The following GRM8 variants were observed in gnomAD, a reference collection of about 807,000 sequenced individuals.
The protein encoded by GRM8 is metabotropic glutamate receptor 8.
GRM8 carries 47 observed loss-of-function variants against 87.2 expected under a neutral mutation model. That is an observed-to-expected ratio of 0.54 (90% CI 0.43 to 0.69). GRM8 has a LOEUF of 0.69. Among genes scored for constraint, GRM8 ranks in the 30% least tolerant of loss-of-function variants. GRM8 has a pLI of 0.00. For synonymous variants in GRM8, 396 were observed against 404.5 expected, an observed-to-expected ratio of 0.98 and a Z score of 0.25; for missense variants, 1,019 against 1,139.2, an observed-to-expected ratio of 0.89 and a Z score of 1.52.
At chr7:126,905,029 A>C (rs540435342) in intron 3 of GRM8, among the ~76,000 whole-genome samples, 10 of 152,368 alleles carry the variant, frequency 6.6e-5, no homozygotes, top group Non-Finnish European at 1.0e-4. Context: ...GACAAGTGAC[A>C]GAATTAATAA....
At chr7:126,752,652 T>C (rs1275245200) in intron 7 of GRM8, among the ~76,000 whole-genome samples, 2 of 152,216 alleles carry the variant, frequency 1.3e-5, no homozygotes, top group South Asian at 2.1e-4. Context: ...CTTTGAGAAC[T>C]TCAGGAAATA....
rs540432846 is a variant in GRM8 at position 127,202,652 on chromosome 7, T to C, written c.510+40043A>G. ...TGATCCTCATTTTACTGGTAAAGGC[T>C]CTGAGACTGAGAAGTTTAATGTCAT... On this transcript the variant is annotated intron_variant, in intron 2 of 10. Transcript: ENST00000339582. Among the ~76,000 whole-genome samples, 171 of 152,266 alleles carry C rather than the reference T, an allele frequency of 1.1e-3. 1 individual carries two copies. The highest frequency in any genetic ancestry group is 4.1e-3 in the African/African-American group (170 of 41,554).
At chr7:126,529,384 C>T (rs1814442747) in intron 9 of GRM8, among the ~76,000 whole-genome samples, 2 of 152,036 alleles carry the variant, frequency 1.3e-5, no homozygotes, top group Admixed American at 6.6e-5. Flanking sequence ...ACAGACATTG[C>T]TTATTGTCCA....
chr7:126,642,554 A>G (rs28371945), intron 7 of GRM8, among the ~76,000 whole-genome samples: 46,633 of 151,652 alleles, frequency 0.31, 8,014 homozygotes, highest in East Asian at 0.43. Context: ...GCGGGAGAAT[A>G]GTGTGAACCT....
At chr7:126,957,596 C>T (rs1808854422) in intron 3 of GRM8, among the ~76,000 whole-genome samples, 1 of 152,212 alleles carries the variant, frequency 6.6e-6, no homozygotes, top group African/African-American at 2.4e-5. Flanking sequence ...TGAGCCCAGG[C>T]ACTGTTGCAA....
chr7:126,954,698 C>A (rs932425994), intron 3 of GRM8, among the ~76,000 whole-genome samples: 5 of 152,224 alleles, frequency 3.3e-5, no homozygotes, highest in Admixed American at 3.3e-4. Context: ...ATAATAATAA[C>A]AATAACTTTC....
intron 2 of GRM8, among the ~76,000 whole-genome samples, chr7:127,218,845 C>T (rs1395637467): frequency 6.6e-6 from 1 of 152,238 alleles, no homozygotes. Context: ...CTTTCTAGCA[C>T]ACAACACTTT....
intron 3 of GRM8, among the ~76,000 whole-genome samples, chr7:127,023,424 G>GT (rs754322714): frequency 2.0e-5 from 3 of 151,934 alleles, no homozygotes; most frequent in Non-Finnish European, 4.4e-5. Flanking sequence ...CAACCCTCAT[G>GT]TTATTCATAG....
chr7:126,893,868 T>A lies in GRM8; in HGVS notation c.1156+8674A>T, dbSNP rs1454251073. ...CTTAGTAAGCTCTAATCACACTTTA[T>A]GTCTCCTTTGCCCTACTGTATCCAA... is the stretch of plus-strand genomic sequence containing the variant. On this transcript the variant is annotated intron_variant, in intron 6 of 10. Transcript: ENST00000339582. Among the ~76,000 whole-genome samples, 7 of 152,046 alleles carry A rather than the reference T, an allele frequency of 4.6e-5. No individual in the cohort carries two copies. In the South Asian group the frequency reaches 1.5e-3, roughly 32 times the overall value.
chr7:127,175,875 T>C (rs1240707432), intron 2 of GRM8, among the ~76,000 whole-genome samples: 1 of 152,110 alleles, frequency 6.6e-6, no homozygotes, highest in Non-Finnish European at 1.5e-5. Context: ...GGAATGAAAA[T>C]GATATAGGTC....
chr7:127,168,072 A>G (rs912126202), intron 2 of GRM8, among the ~76,000 whole-genome samples: 2 of 152,204 alleles, frequency 1.3e-5, no homozygotes, highest in Non-Finnish European at 2.9e-5. Flanking sequence ...GTGAAAAGGC[A>G]ACCTACAGAA....
At chr7:126,943,461 C>G (rs1298851277) in intron 3 of GRM8, among the ~76,000 whole-genome samples, 1 of 152,228 alleles carries the variant, frequency 6.6e-6, no homozygotes, top group Non-Finnish European at 1.5e-5. Flanking sequence ...AGTCAAGGTC[C>G]TCCAATCTCA....
intron 2 of GRM8, among the ~76,000 whole-genome samples, chr7:127,107,901 A>T (rs1008283161): frequency 1.4e-4 from 22 of 152,240 alleles, no homozygotes; most frequent in Non-Finnish European, 8.8e-5. Context: ...CGGGAGCAGC[A>T]GCAGAGCAAT....
intron 8 of GRM8, among the ~76,000 whole-genome samples, chr7:126,604,844 G>T (rs533928351): frequency 6.6e-6 from 1 of 152,004 alleles, no homozygotes; most frequent in Non-Finnish European, 1.5e-5. Flanking sequence ...AATTAAATCA[G>T]GTTCAAAATT....
At chr7:127,224,325 A>G (rs1295603350) in intron 2 of GRM8, among the ~76,000 whole-genome samples, 1 of 152,238 alleles carries the variant, frequency 6.6e-6, no homozygotes, top group African/African-American at 2.4e-5. Context: ...GCATGAAGCC[A>G]TAGGGGAAGA....
intron 2 of GRM8, among the ~76,000 whole-genome samples, chr7:127,162,275 C>A (rs535421050): frequency 6.6e-6 from 1 of 152,202 alleles, no homozygotes; most frequent in Admixed American, 6.5e-5. Context: ...GCCTTTGGGG[C>A]AGCCCCTTCC....
At chr7:126,534,457 A>G (rs977727340) in intron 8 of GRM8, among the ~76,000 whole-genome samples, 5 of 152,308 alleles carry the variant, frequency 3.3e-5, no homozygotes, top group African/African-American at 4.8e-5. Context: ...GGCTTGAAAT[A>G]TCCTTTTTTT....
At chr7:126,831,115 T>TG (rs1478835953) in intron 6 of GRM8, among the ~76,000 whole-genome samples, 2 of 152,160 alleles carry the variant, frequency 1.3e-5, no homozygotes, top group Non-Finnish European at 2.9e-5. Context: ...CTGCCCCTAC[T>TG]GGGGGGTGCC....
At chr7:126,569,335 G>C (rs1281127517) in intron 8 of GRM8, among the ~76,000 whole-genome samples, 1 of 152,212 alleles carries the variant, frequency 6.6e-6, no homozygotes, top group Admixed American at 6.5e-5. Context: ...TGTTTGCACA[G>C]AGGTACTTTC....
Sources: allele counts gnomAD v4.1 joint callset (sites outside exome capture counted in the v4.1 genomes callset), GRCh38; gene constraint gnomAD v4.1.1; transcripts MANE v1.5; gene names NCBI Gene and HGNC (gene_info 2026-07-23, HGNC 2026-07-21).